The following CNTN4 variants were observed in gnomAD, a reference collection of about 807,000 sequenced individuals.
CNTN4 encodes the protein contactin 4.
A neutral mutation model predicts 122.5 loss-of-function variants in CNTN4; 77 were observed. The ratio of observed to expected loss-of-function variants is 0.63; its 90% CI spans 0.52 to 0.76. CNTN4 has a LOEUF of 0.76. Among genes scored for constraint, CNTN4 ranks in the 30% least tolerant of loss-of-function variants. CNTN4 has a pLI of 0.00. For missense variants in CNTN4, 1,256 were observed against 1,259.1 expected (o/e 1.00, Z 0.04); for synonymous variants, 512 against 447.0 (o/e 1.15, Z -1.83).
At chr3:2,136,235 A>G (rs1419630417) in intron 2 of CNTN4, among the ~76,000 whole-genome samples, 2 of 152,252 alleles carry the variant, frequency 1.3e-5, no homozygotes, top group East Asian at 1.9e-4. Context: ...AAGGAAGACC[A>G]GAGTTGAGAG....
chr3:2,600,663 G>A (rs1424800561), intron 4 of CNTN4, among the ~76,000 whole-genome samples: 10 of 152,102 alleles, frequency 6.6e-5, no homozygotes, highest in Non-Finnish European at 8.8e-5. Flanking sequence ...ATAAACATAC[G>A]TGTGCATGTG....
intron 6 of CNTN4, among the ~76,000 whole-genome samples, chr3:2,818,326 T>C (rs1202983891): frequency 6.6e-6 from 1 of 152,228 alleles, no homozygotes; most frequent in Non-Finnish European, 1.5e-5. Context: ...AAACTAAGCC[T>C]GAGTGTAGAA....
chr3:2,751,305 G>A (rs1021527387), intron 6 of CNTN4, among the ~76,000 whole-genome samples: 1 of 152,020 alleles, frequency 6.6e-6, no homozygotes, highest in Admixed American at 6.6e-5. Flanking sequence ...GAGACTCAGC[G>A]AGACTCCGTC....
intron 3 of CNTN4, among the ~76,000 whole-genome samples, chr3:2,498,584 G>C (rs2076513792): frequency 6.6e-6 from 1 of 151,820 alleles, no homozygotes; most frequent in Admixed American, 6.6e-5. Flanking sequence ...AGGCTCAAAT[G>C]ACCCTCCCAC....
intron 3 of CNTN4, among the ~76,000 whole-genome samples, chr3:2,497,153 A>G (rs1559608038): frequency 6.6e-6 from 1 of 152,226 alleles, no homozygotes. Context: ...CAGTTGACAT[A>G]TTAATTTAAC....
chr3:2,500,614 A>AT, intron 3 of CNTN4, among the ~76,000 whole-genome samples: 1 of 152,218 alleles, frequency 6.6e-6, no homozygotes, highest in South Asian at 2.1e-4. Context: ...GTACACTAAT[A>AT]TGATTGGTTA....
At chr3:2,328,391 G>C (rs908613363) in intron 2 of CNTN4, among the ~76,000 whole-genome samples, 1 of 151,818 alleles carries the variant, frequency 6.6e-6, no homozygotes, top group Non-Finnish European at 1.5e-5. Flanking sequence ...GGGCGACAGA[G>C]CGAGACTCCG....
At chr3:2,654,846 GCTT>G (rs1020305778) in intron 4 of CNTN4, among the ~76,000 whole-genome samples, 1 of 152,036 alleles carries the variant, frequency 6.6e-6, no homozygotes, top group Non-Finnish European at 1.5e-5. Context: ...CAGCTTCTTT[GCTT>G]CTTCTTCTTA....
rs889481133 is a variant in CNTN4 at position 3,056,428 on chromosome 3, T to C, written c.*208T>C. Reference sequence around the variant, plus strand: ...TGAAGTTTCTTTGGAAACTCTGCAATGCACTGAAGACATCTGTAATATGAT... The same window carrying C: ...TGAAGTTTCTTTGGAAACTCTGCAACGCACTGAAGACATCTGTAATATGAT... On this transcript the variant is annotated 3_prime_UTR_variant, in exon 25 of 25. Coordinates refer to ENST00000418658, the MANE Select transcript of CNTN4 (RefSeq NM_175607.3). The C allele has an allele frequency of 2.8e-5, 15 of 537,390 alleles. No homozygotes were observed. Among genetic ancestry groups the C allele is most frequent in the Middle Eastern group, 5.1e-4 (1 of 1,960 alleles). The allele number at this position is 537,390 out of a possible 1,614,324, so 33.3% of individuals were successfully genotyped here.
At chr3:2,593,158 A>G (rs2080581786) in intron 4 of CNTN4, among the ~76,000 whole-genome samples, 1 of 152,216 alleles carries the variant, frequency 6.6e-6, no homozygotes, top group Non-Finnish European at 1.5e-5. Context: ...CATTTTCTGA[A>G]TGTATGGAAA....
At chr3:2,998,654 A>G (rs1389996537) in intron 14 of CNTN4, among the ~76,000 whole-genome samples, 1 of 152,170 alleles carries the variant, frequency 6.6e-6, no homozygotes, top group African/African-American at 2.4e-5. Context: ...AGATTAAAAA[A>G]AAAAGTCAAG....
intron 13 of CNTN4, among the ~76,000 whole-genome samples, chr3:2,935,853 A>C (rs560097193): frequency 1.6e-4 from 24 of 152,320 alleles, no homozygotes; most frequent in African/African-American, 5.3e-4. Context: ...AATAGACACT[A>C]ATGTTCTTGT....
rs573999225 is a variant in CNTN4, at chr3:2,962,660, T to TATGA, written c.1359-25684_1359-25681dup. 5.3e-4 allele frequency among the ~76,000 whole-genome samples: 80 copies of TATGA among 152,286 alleles called. No individual in the cohort carries two copies. The East Asian group carries it at 0.015, about 28-fold the overall frequency. On this transcript the variant is annotated intron_variant, in intron 13 of 24. Coordinates refer to ENST00000418658, the MANE Select transcript of CNTN4 (RefSeq NM_175607.3). ...GCTGTTCCAGGAGGAAGGAGTTATG[T>TATGA]ATGACTATTGTAGCTTTGGTTGTAA...
intron 2 of CNTN4, among the ~76,000 whole-genome samples, chr3:2,325,727 C>T (rs1265813894): frequency 2.0e-5 from 3 of 151,940 alleles, no homozygotes; most frequent in South Asian, 2.1e-4. Context: ...TTAAGGGTAG[C>T]GAAAAATGTA....
chr3:2,298,056 C>G (rs1258334024), intron 2 of CNTN4, among the ~76,000 whole-genome samples: 1 of 152,130 alleles, frequency 6.6e-6, no homozygotes, highest in Non-Finnish European at 1.5e-5. Flanking sequence ...GTGAAGAATA[C>G]TTAGCAGCTG....
intron 8 of CNTN4, among the ~76,000 whole-genome samples, chr3:2,880,610 A>G (rs1442793360): frequency 6.6e-6 from 1 of 152,238 alleles, no homozygotes; most frequent in Admixed American, 6.5e-5. Flanking sequence ...CTCAGGGGCA[A>G]GAGAACTCAG....
chr3:2,967,252 G>C (rs1692415062), intron 13 of CNTN4, among the ~76,000 whole-genome samples: 1 of 152,134 alleles, frequency 6.6e-6, no homozygotes, highest in Admixed American at 6.5e-5. Context: ...TGTAAAATCA[G>C]ATGAGCCAGT....
At chr3:2,536,014 G>A (rs1392099513) in intron 3 of CNTN4, among the ~76,000 whole-genome samples, 1 of 152,124 alleles carries the variant, frequency 6.6e-6, no homozygotes, top group East Asian at 1.9e-4. Flanking sequence ...AAAGAACAAT[G>A]AGTAGATTTT....
intron 3 of CNTN4, among the ~76,000 whole-genome samples, chr3:2,464,844 A>G (rs1319356116): frequency 6.6e-6 from 1 of 152,192 alleles, no homozygotes. Flanking sequence ...CATTTATTGA[A>G]TCTCCTTCCC....
Sources: gnomAD v4.1 joint callset for allele counts (sites outside exome capture counted in the v4.1 genomes callset) on GRCh38, gnomAD v4.1.1 for gene constraint, MANE v1.5 for transcripts, NCBI Gene and HGNC (gene_info 2026-07-23, HGNC 2026-07-21) for gene names.